Variants in GPR89B observed in about 807,000 individuals in gnomAD.
GPR89B encodes G protein-coupled receptor 89B.
A neutral mutation model predicts 52.4 loss-of-function variants in GPR89B; 25 were observed. The ratio of observed to expected loss-of-function variants is 0.48; its 90% confidence interval spans 0.35 to 0.67. The LOEUF is 0.67. Among genes scored for constraint, GPR89B ranks in the 30% least tolerant of loss-of-function variants. GPR89B has a pLI of 0.01. For missense variants in GPR89B, 146 were observed against 450.2 expected, an observed-to-expected ratio of 0.32 and a Z score of 6.11; for synonymous variants, 52 against 151.2, an observed-to-expected ratio of 0.34 and a Z score of 4.81.
rs1659187488 is a variant in GPR89B at position 147,993,133 on chromosome 1, C to T, written c.*216C>T. 1 of 1,251,400 alleles carries T rather than the reference C, an allele frequency of 8.0e-7. No homozygotes were observed. The highest frequency in any genetic ancestry group is 1.5e-5 in the African/African-American group (1 of 65,886). 77.5% of individuals were successfully genotyped at this position (1,251,400 alleles called of 1,614,324 possible). ...GAGGGAGAACTAACTCAAGACAATACTCAGCAGAGAGCATCCCGTGTGGAT... is the reference window on the plus strand; with the variant it reads ...GAGGGAGAACTAACTCAAGACAATATTCAGCAGAGAGCATCCCGTGTGGAT... On this transcript the variant is annotated 3_prime_UTR_variant, in exon 14 of 14. Transcript: ENST00000314163.
At chr1:148,025,521 CTCAAAAAAAAA>C in the GPR89B span, among the ~76,000 whole-genome samples, 1 of 63,934 alleles carries the variant, frequency 1.6e-5, no homozygotes, top group African/African-American at 7.4e-5. Context: ...TAAACTCTGT[CTCAAAAAAAAA>C]AAAAAAAAAA....
At chr1:147,977,146 A>G (rs1156865526) in intron 10 of GPR89B, among the ~76,000 whole-genome samples, 4 of 146,222 alleles carry the variant, frequency 2.7e-5, no homozygotes, top group African/African-American at 5.1e-5. Context: ...AGGCAGGAGA[A>G]TGGCATGAAC....
the GPR89B span, among the ~76,000 whole-genome samples, chr1:148,018,923 C>T: frequency 2.0e-5 from 3 of 151,698 alleles, no homozygotes; most frequent in South Asian, 6.3e-4. Context: ...GCCTCGGCCT[C>T]CCAAAGTGCT....
intron 5 of GPR89B, among the ~76,000 whole-genome samples, chr1:147,949,977 A>AC (rs1334081211): frequency 1.4e-4 from 17 of 124,894 alleles, no homozygotes; most frequent in African/African-American, 4.2e-4. Context: ...TGTGGGGCTG[A>AC]CCCCCCCACC....
the GPR89B span, among the ~76,000 whole-genome samples, chr1:148,021,072 G>A: frequency 6.6e-6 from 1 of 151,974 alleles, no homozygotes; most frequent in Non-Finnish European, 1.5e-5. Flanking sequence ...CTACGTATTT[G>A]GCCCTAAAAC....
At chr1:147,955,993 G>T (rs1384061064) in intron 7 of GPR89B, among the ~76,000 whole-genome samples, 2 of 51,042 alleles carry the variant, frequency 3.9e-5, no homozygotes, top group African/African-American at 1.5e-4. Context: ...AGCATGATTT[G>T]TGTAGTTTTT....
Position 147,966,610 on chromosome 1 carries a change from C to T in GPR89B, c.674C>T (p.Ser225Leu). 1 of 345,452 alleles carries T rather than the reference C, an allele frequency of 2.9e-6. No individual in the cohort carries two copies. Among genetic ancestry groups the T allele is most frequent in the East Asian group, 4.2e-5 (1 of 24,074 alleles). The allele number at this position is 345,452 out of a possible 1,614,324, so 21.4% of individuals were successfully genotyped here. The change falls in exon 8 of 14, where the codon TCA becomes TTA. Residue 225 changes from serine to leucine, a missense_variant. Physicochemically the swap from Ser to Leu is moderately radical, Grantham distance 145 (BLOSUM62 -2). Transcript: ENST00000314163. ...FQKGEVHNKP[S>L]GFWGMIKSVT... is the part of the protein sequence containing the mutation. ...AAGGGGGAAGTGCATAACAAACCATCAGGTTTCTGGGGAATGATAAAAAGT... is the reference window on the plus strand; with the variant it reads ...AAGGGGGAAGTGCATAACAAACCATTAGGTTTCTGGGGAATGATAAAAAGT...
chr1:148,005,607 G>A, the GPR89B span: 4 of 1,162,530 alleles, frequency 3.4e-6, no homozygotes, highest in Non-Finnish European at 5.0e-6. Context: ...CCAGTCCTGT[G>A]ATTGCCTCCC....
the GPR89B span, among the ~76,000 whole-genome samples, chr1:148,008,125 G>A: frequency 2.0e-5 from 3 of 152,142 alleles, no homozygotes; most frequent in African/African-American, 7.2e-5. Context: ...GCAAGGGATC[G>A]CTTGCTAATG....
the GPR89B span, chr1:148,009,554 A>C: frequency 6.5e-7 from 1 of 1,549,432 alleles, no homozygotes; most frequent in Non-Finnish European, 8.9e-7. Flanking sequence ...GAACTAGTAA[A>C]GTCACTGAAT....
At chr1:148,015,622 A>G in the GPR89B span, among the ~76,000 whole-genome samples, 1 of 135,536 alleles carries the variant, frequency 7.4e-6, no homozygotes, top group African/African-American at 2.6e-5. Flanking sequence ...CCTTCTCTCT[A>G]TTTTGTTTGT....
the GPR89B span, among the ~76,000 whole-genome samples, chr1:147,998,872 C>T: frequency 7.6e-6 from 1 of 131,402 alleles, no homozygotes; most frequent in African/African-American, 3.0e-5. Flanking sequence ...CAGCGGGAGA[C>T]TCTGTCTCAA....
the GPR89B span, chr1:148,009,570 C>T: frequency 3.9e-6 from 6 of 1,530,172 alleles, no homozygotes; most frequent in African/African-American, 4.1e-5. Context: ...TGAATTCCCA[C>T]TCTTTCTGAC....
At chr1:148,007,422 G>A in the GPR89B span, among the ~76,000 whole-genome samples, 2 of 151,792 alleles carry the variant, frequency 1.3e-5, no homozygotes, top group Non-Finnish European at 2.9e-5. Flanking sequence ...ATATTTATAG[G>A]GTGTGTGTCA....
downstream of GPR89B, among the ~76,000 whole-genome samples, chr1:147,997,455 C>G (rs1454724024): frequency 6.6e-6 from 1 of 152,084 alleles, no homozygotes; most frequent in African/African-American, 2.4e-5. Flanking sequence ...CCTTTGGACT[C>G]TAAGATCTAC....
chr1:147,929,679 G>T (rs1211065880), intron 1 of GPR89B, among the ~76,000 whole-genome samples: 2 of 152,090 alleles, frequency 1.3e-5, no homozygotes, highest in Non-Finnish European at 1.5e-5. Flanking sequence ...CCTAATACTC[G>T]TCTCCGTAGA....
At chr1:147,994,668 A>G (rs1659271505), downstream of GPR89B, among the ~76,000 whole-genome samples, 1 of 152,200 alleles carries the variant, frequency 6.6e-6, no homozygotes. Context: ...ATGTCTGTGT[A>G]TATTTCTTTT....
chr1:147,986,635 T>C (rs1658690305), intron 11 of GPR89B, among the ~76,000 whole-genome samples: 1 of 152,204 alleles, frequency 6.6e-6, no homozygotes, highest in Admixed American at 6.5e-5. Context: ...ATTCAAATAC[T>C]TCTCTCTGTG....
intron 10 of GPR89B, among the ~76,000 whole-genome samples, chr1:147,984,086 C>A (rs1658482851): frequency 1.5e-5 from 2 of 131,934 alleles, no homozygotes; most frequent in African/African-American, 5.7e-5. Flanking sequence ...GACAAAAAAC[C>A]AAACACCACA....
Sources: gnomAD v4.1 joint callset for allele counts (sites outside exome capture counted in the v4.1 genomes callset) on GRCh38, gnomAD v4.1.1 for gene constraint, MANE v1.5 for transcripts, NCBI Gene and HGNC (gene_info 2026-07-23, HGNC 2026-07-21) for gene names.